The following MMS22L variants were observed in gnomAD, a reference collection of about 807,000 sequenced individuals.
MMS22L encodes the protein protein MMS22-like.
In MMS22L, 74 loss-of-function variants were observed where a neutral mutation model predicts 159.1. That is an observed-to-expected ratio of 0.47 (90% CI 0.39 to 0.56). MMS22L has a LOEUF of 0.56. Ranked by LOEUF, MMS22L falls within the 20% of genes least tolerant of loss-of-function variation. MMS22L has a pLI of 0.00. For synonymous variants in MMS22L, 517 were observed against 506.9 expected, an observed-to-expected ratio of 1.02 and a Z score of -0.27; for missense variants, 1,351 against 1,422.1, an observed-to-expected ratio of 0.95 and a Z score of 0.80.
chr6:97,218,273 G>A (rs1042578939), intron 14 of MMS22L, among the ~76,000 whole-genome samples: 1 of 152,154 alleles, frequency 6.6e-6, no homozygotes, highest in Non-Finnish European at 1.5e-5. Context: ...ATGAAATTCA[G>A]ATTATGCATT....
rs111945359 is a variant in MMS22L at position 97,214,693 on chromosome 6, T to TG, written c.2039+14200_2039+14201insC. 7.2e-3 allele frequency among the ~76,000 whole-genome samples: 1,081 copies of TG among 150,602 alleles called. 19 individuals carry two copies. The highest frequency in any genetic ancestry group is 0.024 in the African/African-American group (1,005 of 41,244). Reference sequence around the variant, plus strand: ...ATTTTACTATTTTTTTTGTTTTTTTTTTTTTTTCAAATCATTTGACTTATA... The same window carrying TG: ...ATTTTACTATTTTTTTTGTTTTTTTTGTTTTTTTCAAATCATTTGACTTATA... On this transcript the variant is annotated intron_variant, in intron 14 of 24. Transcript: ENST00000683635.
chr6:97,188,662 T>C (rs1003001638), intron 14 of MMS22L, among the ~76,000 whole-genome samples: 10 of 152,182 alleles, frequency 6.6e-5, no homozygotes, highest in African/African-American at 2.2e-4. Flanking sequence ...GAATTAAACA[T>C]TGATAAATTA....
intron 19 of MMS22L, 110 bp from the exon 20 acceptor site, chr6:97,168,350 G>A: frequency 3.5e-6 from 3 of 860,208 alleles, no homozygotes; most frequent in East Asian, 2.6e-5. Context: ...ATTAAAGTAG[G>A]GAATAGGAAG....
chr6:97,151,978 A>G (rs1156735943), intron 22 of MMS22L, 111 bp from the exon 23 acceptor site: 1 of 744,804 alleles, frequency 1.3e-6, no homozygotes, highest in African/African-American at 1.8e-5. Context: ...TAAAGTATGT[A>G]CATCCTTTTT....
At chr6:97,237,344 A>G (rs943691270) in intron 11 of MMS22L, among the ~76,000 whole-genome samples, 1 of 152,206 alleles carries the variant, frequency 6.6e-6, no homozygotes, top group African/African-American at 2.4e-5. Context: ...TGACCCAAAT[A>G]TGGGTAAAAA....
intron 19 of MMS22L, among the ~76,000 whole-genome samples, chr6:97,171,629 T>C (rs1190151244): frequency 1.3e-5 from 2 of 152,200 alleles, no homozygotes; most frequent in African/African-American, 4.8e-5. Context: ...GCCTTCTCCT[T>C]AATATGAAAG....
chr6:97,254,409 G>T, intron 10 of MMS22L, 148 bp downstream of exon 10: 1 of 629,536 alleles, frequency 1.6e-6, no homozygotes, highest in Non-Finnish European at 2.6e-6. Context: ...AATTTTTCAA[G>T]ATGTTTACAG....
intron 3 of MMS22L, 69 bp from the exon 4 acceptor site, chr6:97,278,967 A>C: frequency 7.8e-7 from 1 of 1,285,290 alleles, no homozygotes; most frequent in Admixed American, 1.9e-5. Context: ...TTACGTGGAC[A>C]ATGTTTCCAA....
In MMS22L at chr6:97,233,843, CCTATT is replaced by C. The variant is rs1562488404; in HGVS notation, c.1302+13_1302+17del. ...ATTTTTAAAATTCCTGGAGCAAATT[CCTATT>C]CTATTCACTCACCAGGTTCTTACTA... is the stretch of plus-strand genomic sequence containing the variant. On this transcript the variant is annotated intron_variant, in intron 12 of 24. Transcript: ENST00000683635. 1.9e-6 allele frequency: 3 copies of C among 1,581,266 alleles called. No individual in the cohort carries two copies. The South Asian group carries it at 3.6e-5, about 19-fold the overall frequency.
intron 14 of MMS22L, among the ~76,000 whole-genome samples, chr6:97,220,393 A>C (rs1266403298): frequency 6.6e-6 from 1 of 152,202 alleles, no homozygotes; most frequent in Non-Finnish European, 1.5e-5. Flanking sequence ...AAATGTTCTA[A>C]AATAGTGGTG....
In MMS22L at chr6:97,229,315, C is replaced by T; in HGVS notation, c.1618G>A (p.Ala540Thr). ...NFFSLFLLLAAVAEVEDVASH... is the reference protein window; with the variant it reads ...NFFSLFLLLATVAEVEDVASH... Reference sequence around the variant, plus strand: ...GCAACATCTTCTACCTCTGCAACAGCTGCTAACAGTAGAAAAAGGCTAAAA... The same window carrying T: ...GCAACATCTTCTACCTCTGCAACAGTTGCTAACAGTAGAAAAAGGCTAAAA... The change falls in exon 14 of 25, where the codon GCT (alanine) becomes ACT (threonine). Residue 540 changes from alanine (A) to threonine (T), a missense_variant. Transcript: ENST00000683635. 1 of 1,614,014 alleles carries T rather than the reference C, an allele frequency of 6.2e-7. No homozygotes were observed. The highest frequency in any genetic ancestry group is 8.5e-7 in the Non-Finnish European group (1 of 1,179,970).
chr6:97,243,301 C>T (rs529631902), intron 11 of MMS22L, among the ~76,000 whole-genome samples: 3 of 151,954 alleles, frequency 2.0e-5, no homozygotes, highest in East Asian at 1.9e-4. Flanking sequence ...TTGTCTTTAT[C>T]GGATTGGATT....
intron 14 of MMS22L, among the ~76,000 whole-genome samples, chr6:97,207,308 T>C (rs947550823): frequency 1.3e-5 from 2 of 152,192 alleles, no homozygotes; most frequent in East Asian, 3.9e-4. Context: ...AGGAATCAAG[T>C]GCTCCTCTGG....
intron 14 of MMS22L, among the ~76,000 whole-genome samples, chr6:97,193,617 A>G (rs1806127400): frequency 1.3e-5 from 2 of 152,196 alleles, no homozygotes; most frequent in Non-Finnish European, 2.9e-5. Context: ...TTATCTGTAT[A>G]TCTTTCTACA....
Position 97,144,536 on chromosome 6 carries a change from GACAAAGA to G in MMS22L, c.*2263_*2269del, listed in dbSNP as rs1222432423. 6.6e-6 allele frequency: 1 copy of G among 152,156 alleles called. No individual in the cohort carries two copies. Among genetic ancestry groups the G allele is most frequent in the African/African-American group, 2.4e-5 (1 of 41,412 alleles). 9.4% of individuals were successfully genotyped at this position (152,156 alleles called of 1,614,324 possible). A position where few individuals can be genotyped will look rare whatever the true frequency, so the allele number is the denominator to read the frequency against. On this transcript the variant is annotated 3_prime_UTR_variant, in exon 25 of 25. Coordinates refer to ENST00000683635, the MANE Select transcript of MMS22L (RefSeq NM_001350599.2). The stretch of plus-strand genomic sequence containing the variant: ...AAGAAAATACAATTGTCACAGAGAG[GACAAAGA>G]ACATGAGAAAGGAGAACAAACTCAG...
At chr6:97,169,354 G>GA (rs1803291810) in intron 19 of MMS22L, among the ~76,000 whole-genome samples, 1 of 151,990 alleles carries the variant, frequency 6.6e-6, no homozygotes, top group Non-Finnish European at 1.5e-5. Context: ...TCTCCTTACT[G>GA]AAAAATGAAT....
intron 22 of MMS22L, 110 bp from the exon 23 acceptor site, chr6:97,151,977 T>C (rs956949410): frequency 1.5e-4 from 111 of 746,080 alleles, no homozygotes; most frequent in Non-Finnish European, 2.2e-4. Context: ...TTAAAGTATG[T>C]ACATCCTTTT....
rs184942134 is a variant in MMS22L at position 97,185,046 on chromosome 6, A to G, written c.2233+1451T>C. On this transcript the variant is annotated intron_variant, in intron 15 of 24. Coordinates refer to ENST00000683635, the MANE Select transcript of MMS22L (RefSeq NM_001350599.2). ...CATGTTCTTGCCTTCAGACTTCTGC[A>G]AAGCATGGTCTCTCATCTCCTTCAG... is the stretch of plus-strand genomic sequence containing the variant. Among the ~76,000 whole-genome samples the G allele has an allele frequency of 1.1e-4, 16 of 152,282 alleles. No homozygotes were observed. The East Asian group carries it at 3.1e-3, about 29-fold the overall frequency.
intron 14 of MMS22L, among the ~76,000 whole-genome samples, chr6:97,212,464 C>A (rs1251749865): frequency 6.6e-6 from 1 of 152,208 alleles, no homozygotes; most frequent in Admixed American, 6.5e-5. Context: ...ATGGAAAACT[C>A]TGTCTAATAA....
Sources: allele counts gnomAD v4.1 joint callset (sites outside exome capture counted in the v4.1 genomes callset), GRCh38; gene constraint gnomAD v4.1.1; transcripts MANE v1.5; gene names NCBI Gene and HGNC (gene_info 2026-07-23, HGNC 2026-07-21).